The following PRSS41 variants were observed in gnomAD, a reference collection of about 807,000 sequenced individuals.
PRSS41 encodes the protein protease, serine 41.
In PRSS41, 37 loss-of-function variants were observed where a neutral mutation model predicts 28.8. The ratio of observed to expected loss-of-function variants is 1.29; its 90% CI spans 0.99 to 1.69. The LOEUF is 1.69. Ranked by LOEUF, PRSS41 falls within the 40% of genes most tolerant of loss-of-function variation. PRSS41 has a pLI of 0.00. For synonymous variants in PRSS41, 195 were observed against 163.1 expected, an observed-to-expected ratio of 1.20 and a Z score of -1.49; for missense variants, 431 against 400.7, an observed-to-expected ratio of 1.08 and a Z score of -0.65.
At chr16:2,799,631 C>G in intron 4 of PRSS41, 62 bp downstream of exon 4, 1 of 1,491,482 alleles carries the variant, frequency 6.7e-7, no homozygotes, top group Non-Finnish European at 9.0e-7. Context: ...ACCCTCTACC[C>G]CTGTTCCCGC....
intron 4 of PRSS41, among the ~76,000 whole-genome samples, chr16:2,802,418 G>T (rs2068995081): frequency 6.6e-6 from 1 of 150,980 alleles, no homozygotes; most frequent in Non-Finnish European, 1.5e-5. Flanking sequence ...AGGCAGAGGG[G>T]CTCCTCACAT....
chr16:2,799,046 G>C (rs546367275), exon 3 of PRSS41: 2 of 1,532,904 alleles, frequency 1.3e-6, no homozygotes, highest in South Asian at 2.4e-5. Context: ...GCCAGCCTGC[G>C]CCTGAGGAGA....
intron 4 of PRSS41, among the ~76,000 whole-genome samples, chr16:2,800,058 G>T (rs1348711918): frequency 6.6e-6 from 1 of 152,224 alleles, no homozygotes; most frequent in Non-Finnish European, 1.5e-5. Flanking sequence ...ACATCATGGA[G>T]TGTAGTTACA....
At chr16:2,799,593 G>T in intron 4 of PRSS41, 24 bp downstream of exon 4, 1 of 1,547,694 alleles carries the variant, frequency 6.5e-7, no homozygotes, top group Non-Finnish European at 8.7e-7. Context: ...TAGACCGGGT[G>T]GGGTGATGGG....
intron 5 of PRSS41, 71 bp from the exon 6 acceptor site, chr16:2,804,843 C>A: frequency 8.3e-7 from 1 of 1,211,140 alleles, no homozygotes; most frequent in Non-Finnish European, 1.2e-6. Flanking sequence ...CCCACAGCCC[C>A]TCCTGCTCTC....
intron 3 of PRSS41, 60 bp downstream of exon 3, chr16:2,799,184 A>C: frequency 6.6e-7 from 1 of 1,507,158 alleles, no homozygotes. Context: ...ATGAGCAAAC[A>C]GTAGCCACCC....
chr16:2,798,522 T>C, exon 1 of PRSS41: 1 of 1,522,554 alleles, frequency 6.6e-7, no homozygotes, highest in Non-Finnish European at 8.8e-7. Context: ...GCGCTGCTGC[T>C]GGCTCGGGCT....
At chr16:2,802,753 CGCAGGCACTCG>C in intron 4 of PRSS41, among the ~76,000 whole-genome samples, 1 of 152,208 alleles carries the variant, frequency 6.6e-6, no homozygotes, top group Non-Finnish European at 1.5e-5. Context: ...TGCCTGCAAT[CGCAGGCACTCG>C]GCAGGCTGAG....
At chr16:2,800,003 T>C (rs2068976062) in intron 4 of PRSS41, among the ~76,000 whole-genome samples, 1 of 152,254 alleles carries the variant, frequency 6.6e-6, no homozygotes, top group Non-Finnish European at 1.5e-5. Context: ...ATGACCGGGA[T>C]ATGTTCTGAG....
At chr16:2,800,339 G>A (rs1207621274) in intron 4 of PRSS41, among the ~76,000 whole-genome samples, 1 of 152,166 alleles carries the variant, frequency 6.6e-6, no homozygotes, top group East Asian at 1.9e-4. Flanking sequence ...TCAGGAGTTC[G>A]AGACCAGCCT....
intron 2 of PRSS41, 102 bp from the exon 3 acceptor site, chr16:2,798,857 G>A: frequency 7.4e-7 from 1 of 1,346,504 alleles, no homozygotes; most frequent in East Asian, 2.8e-5. Context: ...CGGTTCCCCG[G>A]GGAGCCCCCC....
In PRSS41 at chr16:2,802,126, G is replaced by A. The variant is rs868431101; in HGVS notation, c.542-2263G>A. ...CGGAGAGGCTCCTCACTTCTCAGAC[G>A]GAGTGGTTGCCAGGCAGAGGGTCTC... On this transcript the variant is annotated intron_variant, in intron 4 of 5. Transcript: ENST00000399677. Among the ~76,000 whole-genome samples, 7 of 150,654 alleles carry A rather than the reference G, an allele frequency of 4.6e-5. No homozygotes were observed. The South Asian group carries it at 1.3e-3, about 27-fold the overall frequency.
At chr16:2,801,471 G>A (rs2068985714) in intron 4 of PRSS41, among the ~76,000 whole-genome samples, 1 of 150,958 alleles carries the variant, frequency 6.6e-6, no homozygotes. Flanking sequence ...GGTTTTCCTA[G>A]GCAGAGGACC....
exon 3 of PRSS41, chr16:2,798,968 G>A: frequency 6.5e-7 from 1 of 1,532,684 alleles, no homozygotes; most frequent in African/African-American, 1.4e-5. Context: ...GAGGCCTGCG[G>A]CCACCGGGAA....
At chr16:2,805,271 T>C in exon 6 of PRSS41, 1 of 653,058 alleles carries the variant, frequency 1.5e-6, no homozygotes, top group Non-Finnish European at 2.6e-6. Flanking sequence ...GCCCCTTTTG[T>C]CTCGTTTGCT....
In PRSS41 at chr16:2,804,955, G is replaced by C. The variant is rs1292588717; in HGVS notation, c.741G>C (p.Leu247=). 4.4e-6 allele frequency: 7 copies of C among 1,589,676 alleles called. No homozygotes were observed. In the South Asian group the frequency reaches 8.0e-5, roughly 18 times the overall value. Reference sequence around the variant, plus strand: ...CCTTGGTCTGTGACAAGGATGGACTGTGGTATCAGGTTGGAATCGTGAGCT... The same window carrying C: ...CCTTGGTCTGTGACAAGGATGGACTCTGGTATCAGGTTGGAATCGTGAGCT... The change falls in exon 6 of 6, where the codon CTG becomes CTC. Residue 247 remains leucine (L), a synonymous_variant. Transcript: ENST00000399677.
intron 2 of PRSS41, 129 bp from the exon 3 acceptor site, chr16:2,798,830 G>A: frequency 8.0e-7 from 1 of 1,244,808 alleles, no homozygotes; most frequent in Non-Finnish European, 1.1e-6. Flanking sequence ...GGTCCCTAGC[G>A]TCACCTTCTT....
exon 4 of PRSS41, chr16:2,799,400 C>T (rs1334107691): frequency 2.6e-6 from 4 of 1,552,114 alleles, no homozygotes; most frequent in Non-Finnish European, 3.5e-6. Flanking sequence ...TCATTGTGAA[C>T]CCTGACGCAC....
intron 4 of PRSS41, among the ~76,000 whole-genome samples, chr16:2,801,335 TATTTTTTTTTTTA>T (rs2068984672): frequency 6.6e-6 from 1 of 151,512 alleles, no homozygotes; most frequent in African/African-American, 2.4e-5. Context: ...CTTGGACTCT[TATTTTTTTTTTTA>T]ATTTTTTTTT....
Sources: allele counts gnomAD v4.1 joint callset (sites outside exome capture counted in the v4.1 genomes callset), GRCh38; gene constraint gnomAD v4.1.1; transcripts MANE v1.5; gene names NCBI Gene and HGNC (gene_info 2026-07-23, HGNC 2026-07-21).